NALF1: variants seen among roughly 807,000 people sequenced by gnomAD.
The protein encoded by NALF1 is NALCN channel auxiliary factor 1.
Under a neutral mutation model 48.4 loss-of-function variants are expected in NALF1, and 3 were observed. The ratio of observed to expected loss-of-function variants is 0.06; its 90% CI spans 0.03 to 0.16. NALF1 has a LOEUF of 0.16. Among genes scored for constraint, NALF1 ranks in the 10% least tolerant of loss-of-function variants. The probability of loss-of-function intolerance (pLI) is 1.00; values close to 1 mark genes in which losing one functional copy is unlikely to be tolerated. For synonymous variants in NALF1, 262 were observed against 245.7 expected, an observed-to-expected ratio of 1.07 and a Z score of -0.62; for missense variants, 526 against 571.5, an observed-to-expected ratio of 0.92 and a Z score of 0.81.
At chr13:107,230,424 G>C (rs1007520799) in intron 1 of NALF1, among the ~76,000 whole-genome samples, 3 of 152,190 alleles carry the variant, frequency 2.0e-5, no homozygotes, top group African/African-American at 7.2e-5. Flanking sequence ...AGCATTATCT[G>C]TGGTTGCATG....
At chr13:107,651,895 C>A (rs534544336) in intron 1 of NALF1, among the ~76,000 whole-genome samples, 89 of 152,282 alleles carry the variant, frequency 5.8e-4, no homozygotes, top group Admixed American at 2.7e-3. Flanking sequence ...GTTCTTCAAC[C>A]AGGACTCTAG....
chr13:107,640,270 T>C (rs2138457538), intron 1 of NALF1, among the ~76,000 whole-genome samples: 1 of 152,266 alleles, frequency 6.6e-6, no homozygotes, highest in Middle Eastern at 3.4e-3. Flanking sequence ...AAAATAAAAA[T>C]TATAACCTGC....
intron 2 of NALF1, among the ~76,000 whole-genome samples, chr13:107,172,143 T>C (rs1040592834): frequency 2.0e-5 from 3 of 152,202 alleles, no homozygotes; most frequent in African/African-American, 4.8e-5. Flanking sequence ...CCTCCACCAA[T>C]TCCTCTACAT....
chr13:107,771,041 A>G, intron 1 of NALF1, among the ~76,000 whole-genome samples: 1 of 149,226 alleles, frequency 6.7e-6, no homozygotes, highest in South Asian at 2.1e-4. Context: ...AAGGGGCATA[A>G]AACAATTTCA....
intron 1 of NALF1, among the ~76,000 whole-genome samples, chr13:107,669,438 T>C (rs1880939372): frequency 1.3e-5 from 2 of 152,118 alleles, no homozygotes; most frequent in African/African-American, 4.8e-5. Flanking sequence ...CGGGAACACG[T>C]GATTGTAAGC....
At chr13:107,374,209 C>T (rs1407015384) in intron 1 of NALF1, among the ~76,000 whole-genome samples, 1 of 152,184 alleles carries the variant, frequency 6.6e-6, no homozygotes, top group Non-Finnish European at 1.5e-5. Context: ...GGACCAGTCA[C>T]CATCCCACAA....
chr13:107,544,754 T>C (rs1488229499), intron 1 of NALF1, among the ~76,000 whole-genome samples: 1 of 152,112 alleles, frequency 6.6e-6, no homozygotes, highest in Non-Finnish European at 1.5e-5. Flanking sequence ...AGGACTTTCA[T>C]CCCTGCCTTG....
At chr13:107,592,754 A>G (rs1271016616) in intron 1 of NALF1, among the ~76,000 whole-genome samples, 1 of 151,896 alleles carries the variant, frequency 6.6e-6, no homozygotes, top group Non-Finnish European at 1.5e-5. Flanking sequence ...GATCATTCAT[A>G]CATTTTAGAA....
intron 1 of NALF1, among the ~76,000 whole-genome samples, chr13:107,263,818 C>T (rs1880985138): frequency 6.6e-6 from 1 of 152,096 alleles, no homozygotes. Flanking sequence ...ACAACCCATC[C>T]AATTATATCT....
intron 2 of NALF1, among the ~76,000 whole-genome samples, chr13:107,206,781 C>T (rs535132342): frequency 6.3e-4 from 96 of 152,310 alleles, no homozygotes; most frequent in African/African-American, 2.2e-3. Context: ...AAAACTGATG[C>T]TCACATGGAC....
chr13:107,412,756 C>G (rs1884014208), intron 1 of NALF1, among the ~76,000 whole-genome samples: 1 of 152,174 alleles, frequency 6.6e-6, no homozygotes, highest in Non-Finnish European at 1.5e-5. Context: ...CATATCTACC[C>G]ATTCACACAT....
At chr13:107,324,053 G>A (rs1348188612) in intron 1 of NALF1, among the ~76,000 whole-genome samples, 1 of 152,088 alleles carries the variant, frequency 6.6e-6, no homozygotes, top group African/African-American at 2.4e-5. Flanking sequence ...AGGTTACAGT[G>A]GGCTATGAAT....
intron 1 of NALF1, among the ~76,000 whole-genome samples, chr13:107,443,785 T>C (rs1253754450): frequency 6.6e-6 from 1 of 152,172 alleles, no homozygotes; most frequent in Non-Finnish European, 1.5e-5. Context: ...TTGGTGTTAT[T>C]AAATTTATGA....
At chr13:107,728,474 T>G (rs537899652) in intron 1 of NALF1, among the ~76,000 whole-genome samples, 7 of 150,554 alleles carry the variant, frequency 4.6e-5, no homozygotes, top group African/African-American at 1.5e-4. Flanking sequence ...TACGTGGGAG[T>G]TGAACAATGA....
At chr13:107,566,422 G>A (rs1018670696) in intron 1 of NALF1, among the ~76,000 whole-genome samples, 2 of 152,178 alleles carry the variant, frequency 1.3e-5, no homozygotes, top group African/African-American at 4.8e-5. Flanking sequence ...CTGTAGTGGT[G>A]CAATGGCCCT....
intron 1 of NALF1, among the ~76,000 whole-genome samples, chr13:107,547,287 T>C (rs1423310511): frequency 6.6e-6 from 1 of 152,214 alleles, no homozygotes; most frequent in Admixed American, 6.5e-5. Context: ...GAAACTGTTC[T>C]ATTGAAACTG....
In NALF1 at chr13:107,175,028, C is replaced by T. The variant is rs1478848153; in HGVS notation, c.1088-4242G>A. On this transcript the variant is annotated intron_variant, in intron 2 of 2. Coordinates refer to ENST00000375915, the MANE Select transcript of NALF1 (RefSeq NM_001080396.3). ...CCTCCCGAGTAGCTGGGACTACAGG[C>T]GCCCGCCACGACGCCCGGCTAACTT... 2.4e-5 allele frequency among the ~76,000 whole-genome samples: 3 copies of T among 126,084 alleles called. No individual in the cohort carries two copies. In the Admixed American group the frequency reaches 2.4e-4, roughly 10 times the overall value. 82.7% of individuals were successfully genotyped at this position (126,084 alleles called of 152,430 possible).
At chr13:107,205,186 T>C (rs1185245155) in intron 2 of NALF1, among the ~76,000 whole-genome samples, 3 of 146,670 alleles carry the variant, frequency 2.0e-5, no homozygotes, top group African/African-American at 5.1e-5. Flanking sequence ...GTCCCCAGAG[T>C]GTGATGTTCC....
At chr13:107,687,929 CCAAAAATTAGG>C (rs1459868560) in intron 1 of NALF1, among the ~76,000 whole-genome samples, 1 of 152,038 alleles carries the variant, frequency 6.6e-6, no homozygotes, top group African/African-American at 2.4e-5. Flanking sequence ...AATCCCAAAA[CCAAAAATTAGG>C]CAAAAATATA....
Sources: gnomAD v4.1 joint callset for allele counts (sites outside exome capture counted in the v4.1 genomes callset) on GRCh38, gnomAD v4.1.1 for gene constraint, MANE v1.5 for transcripts, NCBI Gene and HGNC (gene_info 2026-07-23, HGNC 2026-07-21) for gene names.